The following CCDC83 variants were observed in gnomAD, a reference collection of about 807,000 sequenced individuals.
The protein encoded by CCDC83 is coiled-coil domain containing 83.
In CCDC83, 54 loss-of-function variants were observed where a neutral mutation model predicts 50.1. The observed-to-expected ratio is 1.08, with a 90% CI of 0.87 to 1.35. The LOEUF (loss-of-function observed/expected upper bound fraction) is 1.35, where lower values mean the gene tolerates loss of function less well. Ranked by LOEUF, CCDC83 falls within the 40% of genes most tolerant of loss-of-function variation. CCDC83 has a pLI of 0.00. For missense variants in CCDC83, 518 were observed against 473.9 expected (o/e 1.09, Z -0.86); for synonymous variants, 161 against 153.3 (o/e 1.05, Z -0.37).
chr11:85,857,954 G>A (rs977487139), intron 1 of CCDC83, among the ~76,000 whole-genome samples: 6 of 152,220 alleles, frequency 3.9e-5, no homozygotes, highest in Non-Finnish European at 7.3e-5. Context: ...AGCAGATGAA[G>A]GATGATGCCA....
chr11:85,861,968 C>A (rs1220546647), intron 1 of CCDC83, among the ~76,000 whole-genome samples: 1 of 137,886 alleles, frequency 7.3e-6, no homozygotes, highest in Non-Finnish European at 1.5e-5. Context: ...GCATTTTTAG[C>A]TTGGGCGACG....
At chr11:85,884,045 AC>A (rs752125138) in intron 4 of CCDC83, among the ~76,000 whole-genome samples, 1 of 152,168 alleles carries the variant, frequency 6.6e-6, no homozygotes, top group African/African-American at 2.4e-5. Context: ...ATGGAGTGAG[AC>A]CCCAAAGGAT....
At chr11:85,885,130 C>A (rs2093320469) in intron 4 of CCDC83, among the ~76,000 whole-genome samples, 1 of 152,024 alleles carries the variant, frequency 6.6e-6, no homozygotes, top group South Asian at 2.1e-4. Context: ...AGGAGAATCA[C>A]TTGAACCTGG....
intron 7 of CCDC83, among the ~76,000 whole-genome samples, chr11:85,909,609 C>CTT (rs71468972): frequency 0.01 from 592 of 57,732 alleles, 75 homozygotes; most frequent in African/African-American, 0.014. Flanking sequence ...TCAAAATACA[C>CTT]TTTTTTTTTT....
rs1178467469 is a variant in CCDC83 at position 85,882,599 on chromosome 11, T to C, written c.267T>C (p.Val89=). 6.2e-7 allele frequency: 1 copy of C among 1,613,856 alleles called. No individual in the cohort carries two copies. Among genetic ancestry groups the C allele is most frequent in the Non-Finnish European group, 8.5e-7 (1 of 1,179,930 alleles). ...LSEEKAEGLP[V]VTREDVEEAM... Reference sequence around the variant, plus strand: ...AAGAGAAGGCAGAGGGATTGCCAGTTGTAACAAGAGAGGATGTTGAAGAAG... The same window carrying C: ...AAGAGAAGGCAGAGGGATTGCCAGTCGTAACAAGAGAGGATGTTGAAGAAG... Residue 89 remains valine, a synonymous_variant, in exon 4 of 11, where the codon GTT becomes GTC. Coordinates refer to ENST00000342404, the MANE Select transcript of CCDC83 (RefSeq NM_001286159.2).
intron 2 of CCDC83, among the ~76,000 whole-genome samples, chr11:85,867,735 C>A (rs576598327): frequency 6.1e-4 from 93 of 152,226 alleles, no homozygotes; most frequent in African/African-American, 2.1e-3. Flanking sequence ...TTTGGGTGGA[C>A]CAGAAACCAG....
intron 3 of CCDC83, among the ~76,000 whole-genome samples, chr11:85,877,667 G>A (rs1014905618): frequency 5.9e-5 from 9 of 152,024 alleles, no homozygotes; most frequent in African/African-American, 9.6e-5. Context: ...TGTATGTAGT[G>A]GTTTTAAAAT....
At chr11:85,856,141 T>C (rs2093139041) in intron 1 of CCDC83, among the ~76,000 whole-genome samples, 2 of 144,816 alleles carry the variant, frequency 1.4e-5, no homozygotes, top group South Asian at 4.3e-4. Context: ...GAGAGAGAGT[T>C]GAGGAAGTGA....
At chr11:85,867,905 T>C (rs1438253018) in intron 2 of CCDC83, among the ~76,000 whole-genome samples, 1 of 152,252 alleles carries the variant, frequency 6.6e-6, no homozygotes, top group Admixed American at 6.5e-5. Context: ...GGCCTTGCTG[T>C]ACCATGCTCT....
chr11:85,909,716 G>A (rs566441214), intron 7 of CCDC83, among the ~76,000 whole-genome samples: 3 of 139,858 alleles, frequency 2.1e-5, no homozygotes, highest in African/African-American at 8.1e-5. Context: ...TCCACTTCCC[G>A]GGTTCAAGTG....
intron 8 of CCDC83, 147 bp from the exon 9 acceptor site, chr11:85,915,272 C>G (rs2093472517): frequency 3.4e-6 from 2 of 593,166 alleles, no homozygotes; most frequent in Non-Finnish European, 5.9e-6. Flanking sequence ...GTCTGCCACC[C>G]CACTGGGCTT....
intron 1 of CCDC83, among the ~76,000 whole-genome samples, chr11:85,857,679 C>T (rs1205572473): frequency 6.6e-6 from 1 of 152,188 alleles, no homozygotes; most frequent in Non-Finnish European, 1.5e-5. Context: ...AGGAGTCCCT[C>T]ATAGATAGCA....
At chr11:85,899,219 TG>T (rs1470910442) in intron 7 of CCDC83, among the ~76,000 whole-genome samples, 2 of 152,180 alleles carry the variant, frequency 1.3e-5, no homozygotes, top group Non-Finnish European at 2.9e-5. Context: ...AAAAAAATGT[TG>T]GGGTTTATAA....
At chr11:85,876,233 T>C (rs959148804) in intron 3 of CCDC83, among the ~76,000 whole-genome samples, 20 of 152,318 alleles carry the variant, frequency 1.3e-4, no homozygotes, top group Non-Finnish European at 2.1e-4. Context: ...TTTGGGGTCA[T>C]CTCACTTAAC....
At chr11:85,862,369 C>G (rs992509043) in intron 1 of CCDC83, among the ~76,000 whole-genome samples, 74 of 152,114 alleles carry the variant, frequency 4.9e-4, no homozygotes, top group African/African-American at 1.7e-3. Context: ...GAGAGGAAAA[C>G]ACACATGGCC....
Position 85,873,192 on chromosome 11 carries a change from T to C in CCDC83, c.96-19T>C, listed in dbSNP as rs1408107106. The C allele has an allele frequency of 2.2e-6, 3 of 1,367,384 alleles. No individual in the cohort carries two copies. Among genetic ancestry groups the C allele is most frequent in the South Asian group, 2.7e-5 (2 of 74,958 alleles). The allele number at this position is 1,367,384 out of a possible 1,614,324, so 84.7% of individuals were successfully genotyped here. On this transcript the variant is annotated intron_variant, in intron 2 of 10. Coordinates refer to ENST00000342404, the MANE Select transcript of CCDC83 (RefSeq NM_001286159.2). Reference sequence around the variant, plus strand: ...TAAGATAAATGATTCTAACACATTTTATCTTTGTTGATTCTCAGATGTCAA... The same window carrying C: ...TAAGATAAATGATTCTAACACATTTCATCTTTGTTGATTCTCAGATGTCAA...
intron 8 of CCDC83, among the ~76,000 whole-genome samples, chr11:85,911,761 G>A (rs1035088919): frequency 1.3e-5 from 2 of 152,182 alleles, no homozygotes; most frequent in African/African-American, 4.8e-5. Flanking sequence ...TTAGCACAGA[G>A]GAGGAGGTGA....
At chr11:85,881,135 G>A (rs750075434) in intron 3 of CCDC83, among the ~76,000 whole-genome samples, 18 of 152,148 alleles carry the variant, frequency 1.2e-4, no homozygotes, top group African/African-American at 2.9e-4. Flanking sequence ...TTGGGAGGCC[G>A]CGGCAGATGG....
chr11:85,890,300 G>C (rs2093345674), intron 5 of CCDC83, among the ~76,000 whole-genome samples: 1 of 152,184 alleles, frequency 6.6e-6, no homozygotes, highest in South Asian at 2.1e-4. Context: ...AGTTTGTCAG[G>C]GCAAAGAATG....
Sources: allele counts gnomAD v4.1 joint callset (sites outside exome capture counted in the v4.1 genomes callset), GRCh38; gene constraint gnomAD v4.1.1; transcripts MANE v1.5; gene names NCBI Gene and HGNC (gene_info 2026-07-23, HGNC 2026-07-21).